TSNARE1: variants seen among roughly 807,000 people sequenced by gnomAD.
TSNARE1 encodes the protein t-SNARE domain containing 1, also known as t-SNARE domain-containing protein 1.
In TSNARE1, 49 loss-of-function variants were observed where a neutral mutation model predicts 62.0. That is an observed-to-expected ratio of 0.79 (90% CI 0.63 to 1.00). The LOEUF is 1.00. Among genes scored for constraint, TSNARE1 ranks in the 50% least tolerant of loss-of-function variants. The pLI is 0.00. For synonymous variants in TSNARE1, 328 were observed against 294.4 expected (o/e 1.11, Z -1.17); for missense variants, 755 against 700.1 (o/e 1.08, Z -0.88).
Position 142,317,321 on chromosome 8 carries a change from CGTGTGAAGCGGGT to C in TSNARE1, c.984+1210_984+1222del, listed in dbSNP as rs1395114941. 5.4e-5 allele frequency among the ~76,000 whole-genome samples: 7 copies of C among 130,458 alleles called. 1 individual carries two copies. The highest frequency in any genetic ancestry group is 8.4e-5 in the Admixed American group (1 of 11,874). The allele number at this position is 130,458 out of a possible 152,430, so 85.6% of individuals were successfully genotyped here. On this transcript the variant is annotated intron_variant, in intron 7 of 13. Transcript: ENST00000524325. ...GGTATGGCCAGCGGCTCACACTGTA[CGTGTGAAGCGGGT>C]ATGGCCAGCGGCTCACACTGTACGC...
chr8:142,341,865 C>T (rs570853424), intron 4 of TSNARE1, among the ~76,000 whole-genome samples: 23 of 152,328 alleles, frequency 1.5e-4, no homozygotes, highest in Non-Finnish European at 3.1e-4. Flanking sequence ...CCTGACAGCA[C>T]CAGGAAACCC....
intron 11 of TSNARE1, among the ~76,000 whole-genome samples, chr8:142,283,086 T>A (rs184988673): frequency 1.3e-3 from 185 of 147,508 alleles, no homozygotes; most frequent in African/African-American, 4.2e-3. Flanking sequence ...GGCCAGTGTC[T>A]ATCAATGAGC....
intron 12 of TSNARE1, chr8:142,273,412 G>T (rs1377816213): frequency 3.0e-6 from 3 of 985,288 alleles, no homozygotes; most frequent in Non-Finnish European, 3.6e-6. Flanking sequence ...CTGCCTCCTG[G>T]AGGCCCCTGG....
In TSNARE1 at chr8:142,232,392, G is replaced by A. The variant is rs1470803825; in HGVS notation, c.1447-2813C>T. Among the ~76,000 whole-genome samples, 5 of 152,254 alleles carry A rather than the reference G, an allele frequency of 3.3e-5. No individual in the cohort carries two copies. In the East Asian group the frequency reaches 9.6e-4, roughly 29 times the overall value. On this transcript the variant is annotated intron_variant, in intron 12 of 13. Coordinates refer to ENST00000524325, the MANE Select transcript of TSNARE1 (RefSeq NM_145003.5). ...TGGCCCTGAAGTTGGCCAACCGAGG[G>A]CCTCCTTACGTGGTCCCAGGTCAGG... is the stretch of plus-strand genomic sequence containing the variant.
chr8:142,345,987 C>T (rs1833319673), intron 2 of TSNARE1, 95 bp from the exon 3 acceptor site: 4 of 1,448,618 alleles, frequency 2.8e-6, no homozygotes, highest in Non-Finnish European at 3.8e-6. Context: ...ACCCAGGACC[C>T]GAGATGCTCC....
chr8:142,229,654 A>G, intron 12 of TSNARE1, 75 bp from the exon 13 acceptor site: 1 of 1,430,428 alleles, frequency 7.0e-7, no homozygotes, highest in Non-Finnish European at 9.7e-7. Context: ...TGGCTTGTGC[A>G]TACTTTGGGC....
chr8:142,394,246 G>C (rs1419378190), intron 1 of TSNARE1, among the ~76,000 whole-genome samples: 2 of 152,230 alleles, frequency 1.3e-5, no homozygotes, highest in Admixed American at 6.5e-5. Context: ...AGAAAGACGG[G>C]AGGTGCTCTG....
At chr8:142,384,517 A>T (rs1164983276) in intron 1 of TSNARE1, among the ~76,000 whole-genome samples, 1 of 152,218 alleles carries the variant, frequency 6.6e-6, no homozygotes, top group Non-Finnish European at 1.5e-5. Context: ...GCCCAGAAAT[A>T]AGCCCTGGTG....
At chr8:142,393,837 C>T (rs1030754463) in intron 1 of TSNARE1, among the ~76,000 whole-genome samples, 3 of 152,212 alleles carry the variant, frequency 2.0e-5, no homozygotes, top group Admixed American at 2.0e-4. Flanking sequence ...TGGCATCCCT[C>T]GTGCTGCTCA....
chr8:142,297,465 CT>C (rs1009413564), intron 10 of TSNARE1, among the ~76,000 whole-genome samples: 1 of 152,250 alleles, frequency 6.6e-6, no homozygotes, highest in Non-Finnish European at 1.5e-5. Flanking sequence ...AAAGGGGGCT[CT>C]CTCTCAGACC....
chr8:142,305,851 G>A (rs577493427), intron 9 of TSNARE1, among the ~76,000 whole-genome samples: 6 of 152,318 alleles, frequency 3.9e-5, no homozygotes, highest in African/African-American at 9.6e-5. Context: ...TCCCTGTTCC[G>A]ACACGTAGGG....
At chr8:142,303,731 C>G (rs532943980) in intron 9 of TSNARE1, among the ~76,000 whole-genome samples, 1 of 152,360 alleles carries the variant, frequency 6.6e-6, no homozygotes, top group African/African-American at 2.4e-5. Context: ...GGGCTGTATG[C>G]TGGTATGACT....
At chr8:142,348,401 C>G (rs1243015603) in intron 2 of TSNARE1, among the ~76,000 whole-genome samples, 2 of 152,172 alleles carry the variant, frequency 1.3e-5, no homozygotes, top group East Asian at 3.9e-4. Context: ...CACCTCTGCC[C>G]GTGTGTCTAT....
At chr8:142,330,025 C>T (rs1830783335) in intron 6 of TSNARE1, among the ~76,000 whole-genome samples, 1 of 152,236 alleles carries the variant, frequency 6.6e-6, no homozygotes, top group Non-Finnish European at 1.5e-5. Context: ...AGTTCTGGCC[C>T]TTTCAGGGTG....
rs557067615 is a variant in TSNARE1 at position 142,354,703 on chromosome 8, G to A, written c.22C>T (p.Arg8Cys). The part of the protein sequence containing the change: MSYGSIA[R>C]GGGLGSRGPF... ...CCACGGCTCCCCAGGCCACCTCCACGGGCGATGGATCCGTATGACATCTTC... is the reference window on the plus strand; with the variant it reads ...CCACGGCTCCCCAGGCCACCTCCACAGGCGATGGATCCGTATGACATCTTC... The change falls in exon 2 of 14, where the codon CGT becomes TGT. Residue 8 changes from arginine (R) to cysteine (C), a missense_variant. Physicochemically the swap from Arg to Cys is radical, Grantham distance 180 (BLOSUM62 -3). Coordinates refer to ENST00000524325, the MANE Select transcript of TSNARE1 (RefSeq NM_145003.5). 3.2e-5 allele frequency: 51 copies of A among 1,613,330 alleles called. No homozygotes were observed. The highest frequency in any genetic ancestry group is 1.9e-4 in the South Asian group (17 of 91,038).
In TSNARE1 at chr8:142,241,870, C is replaced by T. The variant is rs531798757; in HGVS notation, c.1447-12291G>A. 6.2e-3 allele frequency among the ~76,000 whole-genome samples: 934 copies of T among 151,432 alleles called. 13 individuals carry two copies. Among genetic ancestry groups the T allele is most frequent in the Middle Eastern group, 0.027 (8 of 294 alleles). On this transcript the variant is annotated intron_variant, in intron 12 of 13. Transcript: ENST00000524325. ...CAATCAACTCAAAATGGATGGAAGA[C>T]CGACATGTGAGACCTAAAACTCTAA... is the stretch of plus-strand genomic sequence containing the variant.
chr8:142,360,554 C>T (rs1835079059), intron 1 of TSNARE1, among the ~76,000 whole-genome samples: 1 of 152,192 alleles, frequency 6.6e-6, no homozygotes, highest in Admixed American at 6.5e-5. Flanking sequence ...AGGCTTCCTA[C>T]CGAGCTGCTT....
At chr8:142,284,693 T>C (rs979837560) in intron 10 of TSNARE1, among the ~76,000 whole-genome samples, 1 of 151,822 alleles carries the variant, frequency 6.6e-6, no homozygotes, top group Admixed American at 6.6e-5. Flanking sequence ...GAGCCCAGGG[T>C]CACCCCAAAA....
At chr8:142,317,105 C>T (rs1054330961) in intron 7 of TSNARE1, among the ~76,000 whole-genome samples, 6 of 151,556 alleles carry the variant, frequency 4.0e-5, no homozygotes, top group South Asian at 2.1e-4. Context: ...TCACACTGCA[C>T]GCGTGAAGTG....
Sources: allele counts gnomAD v4.1 joint callset (sites outside exome capture counted in the v4.1 genomes callset), GRCh38; gene constraint gnomAD v4.1.1; transcripts MANE v1.5; gene names NCBI Gene and HGNC (gene_info 2026-07-23, HGNC 2026-07-21).